Variants in NME4 observed in about 807,000 individuals in gnomAD.
NME4 encodes the protein nucleoside diphosphate kinase D, mitochondrial.
A neutral mutation model predicts 16.4 loss-of-function variants in NME4; 21 were observed. The observed-to-expected ratio is 1.28, with a 90% CI of 0.91 to 1.84. The LOEUF is 1.84. Ranked by LOEUF, NME4 falls within the 40% of genes most tolerant of loss-of-function variation. NME4 has a pLI of 0.00. For synonymous variants in NME4, 132 were observed against 107.5 expected (o/e 1.23, Z -1.41); for missense variants, 316 against 261.3 (o/e 1.21, Z -1.44).
In NME4 at chr16:400,470, C is replaced by G. The variant is rs958662301; in HGVS notation, c.*128C>G. On this transcript the variant is annotated 3_prime_UTR_variant, in exon 5 of 5. Transcript: ENST00000219479. ...CTTCCCTGTTCACCTCTGCCCCACCCCAGCCCAGAGGAGTTTGAGCCACCA... is the reference window on the plus strand; with the variant it reads ...CTTCCCTGTTCACCTCTGCCCCACCGCAGCCCAGAGGAGTTTGAGCCACCA... 3 of 1,252,586 alleles carry G rather than the reference C, an allele frequency of 2.4e-6. No individual in the cohort carries two copies. Among genetic ancestry groups the G allele is most frequent in the Admixed American group, 5.6e-5 (2 of 35,888 alleles). The allele number at this position is 1,252,586 out of a possible 1,614,324, so 77.6% of individuals were successfully genotyped here. A position where few individuals can be genotyped will look rare whatever the true frequency, so the allele number is the denominator to read the frequency against.
rs951421768 is a variant in NME4, at chr16:400,393, C to T, written c.*51C>T. 3.2e-6 allele frequency: 5 copies of T among 1,569,324 alleles called. No homozygotes were observed. Among genetic ancestry groups the T allele is most frequent in the Middle Eastern group, 2.3e-4 (1 of 4,304 alleles). Reference sequence around the variant, plus strand: ...TCCCCCACGCAGGACCAACTACCTCCGTCAGCAAGAACCCAAGCCCACATC... The same window carrying T: ...TCCCCCACGCAGGACCAACTACCTCTGTCAGCAAGAACCCAAGCCCACATC... On this transcript the variant is annotated 3_prime_UTR_variant, in exon 5 of 5. Coordinates refer to ENST00000219479, the MANE Select transcript of NME4 (RefSeq NM_005009.3).
chr16:399,641 C>A lies in NME4; in HGVS notation c.342C>A (p.Tyr114Ter). The change falls in exon 4 of 5, where the codon TAC (tyrosine) becomes TAA (stop). Residue 114 changes from tyrosine to a stop codon, truncating the protein, a stop_gained. Transcript: ENST00000219479. LOFTEE classifies it high-confidence loss of function. The stretch of plus-strand genomic sequence containing the variant: ...TCTCGCTGCAGGTCTGGGAAGGGTA[C>A]AATGTCGTCCGCGCCTCGAGGGCCA... ...GPVVAMVWEG[Y>*]NVVRASRAMI... The A allele has an allele frequency of 6.2e-7, 1 of 1,613,176 alleles. No homozygotes were observed. Among genetic ancestry groups the A allele is most frequent in the Non-Finnish European group, 8.5e-7 (1 of 1,179,908 alleles).
chr16:400,137 C>T, intron 4 of NME4, 82 bp from the exon 5 acceptor site: 3 of 1,493,138 alleles, frequency 2.0e-6, no homozygotes, highest in Non-Finnish European at 2.8e-6. Context: ...AGACAGAGGG[C>T]AACGGGAGCA....
chr16:400,494 C>T lies in NME4; in HGVS notation c.*152C>T. ...CCCAGCCCAGAGGAGTTTGAGCCAC[C>T]AACTTCAGTGCCTTTCTGTACCCCA... On this transcript the variant is annotated 3_prime_UTR_variant, in exon 5 of 5. Transcript: ENST00000219479. 1.1e-6 allele frequency: 1 copy of T among 897,634 alleles called. No individual in the cohort carries two copies. The highest frequency in any genetic ancestry group is 1.6e-6 in the Non-Finnish European group (1 of 624,776). The allele number at this position is 897,634 out of a possible 1,614,324, so 55.6% of individuals were successfully genotyped here. A position where few individuals can be genotyped will look rare whatever the true frequency, so the allele number is the denominator to read the frequency against.
rs367933433 is a variant in NME4 at position 399,744 on chromosome 16, G to C, written c.440+5G>C. 2 of 1,609,966 alleles carry C rather than the reference G, an allele frequency of 1.2e-6. No homozygotes were observed. Among genetic ancestry groups the C allele is most frequent in the Admixed American group, 3.3e-5 (2 of 59,984 alleles). ...CTTCAGCGTCCACATCAGCAGGTAC[G>C]GGGGTCCTGATACACCAGGCTGCTG... On this transcript the variant is annotated splice_donor_5th_base_variant and intron_variant, in intron 4 of 4. Transcript: ENST00000219479.
chr16:398,988 A>T lies in NME4; in HGVS notation c.92-2A>T. 6.2e-7 allele frequency: 1 copy of T among 1,610,048 alleles called. No homozygotes were observed. On this transcript the variant is annotated splice_acceptor_variant, in intron 1 of 4. Transcript: ENST00000219479. LOFTEE classifies it high-confidence loss of function. The stretch of plus-strand genomic sequence containing the variant: ...GTGCCTCTGACCTCTTGCCTTTTGA[A>T]GGAGGGCCCTCCTGGACCCGGGAGC...
chr16:398,670 C>A (rs562931307), intron 1 of NME4: 42 of 451,862 alleles, frequency 9.3e-5, no homozygotes, highest in African/African-American at 7.7e-4. Context: ...CTCTATGGAC[C>A]TTGCGGTGGT....
rs760625034 is a variant in NME4 at position 399,761 on chromosome 16, A to AG, written c.440+24dup. 19 of 1,591,084 alleles carry AG rather than the reference A, an allele frequency of 1.2e-5. No homozygotes were observed. In the South Asian group the frequency reaches 2.1e-4, roughly 18 times the overall value. On this transcript the variant is annotated intron_variant, in intron 4 of 4. Coordinates refer to ENST00000219479, the MANE Select transcript of NME4 (RefSeq NM_005009.3). ...GCAGGTACGGGGGTCCTGATACACCAGGCTGCTGCTGGGGGCAAGGAGGGC... is the reference window on the plus strand; with the variant it reads ...GCAGGTACGGGGGTCCTGATACACCAGGGCTGCTGCTGGGGGCAAGGAGGGC...
At position 399,718 on chromosome 16, in the gene NME4, A is replaced by G; in HGVS notation, c.419A>G (p.Asp140Gly). 1 of 1,612,914 alleles carries G rather than the reference A, an allele frequency of 6.2e-7. No homozygotes were observed. The highest frequency in any genetic ancestry group is 1.1e-5 in the South Asian group (1 of 91,088). The stretch of plus-strand genomic sequence containing the variant: ...GCTGCCCCAGGAACCATAAGGGGTG[A>G]CTTCAGCGTCCACATCAGCAGGTAC... ...AEAAPGTIRG[D>G]FSVHISRNVI... is the part of the protein sequence containing the mutation. The change falls in exon 4 of 5, where the codon GAC (aspartate) becomes GGC (glycine). Residue 140 changes from aspartate (D) to glycine (G), a missense_variant. Coordinates refer to ENST00000219479, the MANE Select transcript of NME4 (RefSeq NM_005009.3).
At chr16:399,989 T>C (rs2054625367) in intron 4 of NME4, 2 of 701,084 alleles carry the variant, frequency 2.9e-6, no homozygotes, top group East Asian at 2.7e-5. Flanking sequence ...ACGGGGCAAC[T>C]TGGGGGGAAA....
At chr16:399,818 C>T in intron 4 of NME4, 79 bp downstream of exon 4, 1 of 1,201,870 alleles carries the variant, frequency 8.3e-7, no homozygotes, top group Non-Finnish European at 1.2e-6. Context: ...ATCCACGAGA[C>T]CTGGCTGTCT....
intron 1 of NME4, chr16:397,726 C>A: frequency 1.2e-6 from 1 of 834,688 alleles, no homozygotes; most frequent in Non-Finnish European, 1.5e-6. Context: ...GTGAGGGAGT[C>A]GGGGGGTGGG....
rs199919848 is a variant in NME4 at position 400,389 on chromosome 16, C to T, written c.*47C>T. The T allele has an allele frequency of 1.3e-6, 2 of 1,570,946 alleles. No individual in the cohort carries two copies. Among genetic ancestry groups the T allele is most frequent in the Middle Eastern group, 2.3e-4 (1 of 4,308 alleles). ...CCCATCCCCCACGCAGGACCAACTA[C>T]CTCCGTCAGCAAGAACCCAAGCCCA... On this transcript the variant is annotated 3_prime_UTR_variant, in exon 5 of 5. Transcript: ENST00000219479.
Position 399,715 on chromosome 16 carries a change from G to C in NME4, c.416G>C (p.Gly139Ala). 3.7e-6 allele frequency: 6 copies of C among 1,612,964 alleles called. No individual in the cohort carries two copies. The highest frequency in any genetic ancestry group is 5.1e-6 in the Non-Finnish European group (6 of 1,179,924). The change falls in exon 4 of 5, where the codon GGT becomes GCT. Residue 139 changes from glycine to alanine, a missense_variant. Physicochemically the swap from Gly to Ala is moderately conservative, Grantham distance 60. Coordinates refer to ENST00000219479, the MANE Select transcript of NME4 (RefSeq NM_005009.3). ...GAGGCTGCCCCAGGAACCATAAGGG[G>C]TGACTTCAGCGTCCACATCAGCAGG... is the stretch of plus-strand genomic sequence containing the variant. ...SAEAAPGTIRGDFSVHISRNV... is the reference protein window; with the variant it reads ...SAEAAPGTIRADFSVHISRNV...
Position 399,751 on chromosome 16 carries a change from C to A in NME4, c.440+12C>A. ...GTCCACATCAGCAGGTACGGGGGTCCTGATACACCAGGCTGCTGCTGGGGG... is the reference window on the plus strand; with the variant it reads ...GTCCACATCAGCAGGTACGGGGGTCATGATACACCAGGCTGCTGCTGGGGG... On this transcript the variant is annotated intron_variant, in intron 4 of 4. Transcript: ENST00000219479. The A allele has an allele frequency of 6.2e-7, 1 of 1,602,754 alleles. No individual in the cohort carries two copies. The highest frequency in any genetic ancestry group is 8.5e-7 in the Non-Finnish European group (1 of 1,170,958).
chr16:397,891 C>G (rs1284274996), intron 1 of NME4: 4 of 1,554,710 alleles, frequency 2.6e-6, no homozygotes, highest in Admixed American at 1.9e-5. Flanking sequence ...CTCCCTCCAT[C>G]GGCTCTGAAA....
chr16:399,321 G>A, intron 2 of NME4, 58 bp from the exon 3 acceptor site: 2 of 1,537,598 alleles, frequency 1.3e-6, no homozygotes, highest in Non-Finnish European at 1.8e-6. Flanking sequence ...CATCACAGCT[G>A]CTGTGCTAGT....
At chr16:397,942 A>C in intron 1 of NME4, 1 of 1,549,434 alleles carries the variant, frequency 6.5e-7, no homozygotes. Context: ...GCCGCAGCAG[A>C]GCCCCAGGCT....
chr16:399,021 G>A lies in NME4; in HGVS notation c.123G>A (p.Leu41=). Residue 41 remains leucine, a synonymous_variant, in exon 2 of 5, where the codon CTG becomes CTA. Coordinates refer to ENST00000219479, the MANE Select transcript of NME4 (RefSeq NM_005009.3). ...GGPSWTRERT[L]VAVKPDGVQR... ...CCTCCTGGACCCGGGAGCGGACCCT[G>A]GTGGCGGTGAAGCCCGATGGCGTGC... is the stretch of plus-strand genomic sequence containing the variant. The A allele has an allele frequency of 2.5e-6, 4 of 1,610,020 alleles. No homozygotes were observed. The South Asian group carries it at 3.3e-5, about 13-fold the overall frequency.
Sources: allele counts gnomAD v4.1 joint callset, GRCh38; gene constraint gnomAD v4.1.1; transcripts MANE v1.5; gene names NCBI Gene and HGNC (gene_info 2026-07-23, HGNC 2026-07-21).